Variants in NXPE2 observed in about 807,000 individuals in gnomAD.
NXPE2 encodes NXPE family member 2.
NXPE2 carries 34 observed loss-of-function variants against 34.4 expected under a neutral mutation model. That is an observed-to-expected ratio of 0.99 (90% CI 0.75 to 1.31). The LOEUF (loss-of-function observed/expected upper bound fraction) is 1.31. Among genes scored for constraint, NXPE2 ranks in the 40% most tolerant of loss-of-function variants. NXPE2 has a pLI of 0.00. For missense variants in NXPE2, 649 were observed against 672.5 expected (o/e 0.97, Z 0.39); for synonymous variants, 235 against 231.3 (o/e 1.02, Z -0.15).
the NXPE2 span, among the ~76,000 whole-genome samples, chr11:114,601,022 C>A: frequency 2.6e-5 from 4 of 151,968 alleles, no homozygotes; most frequent in Non-Finnish European, 4.4e-5. Flanking sequence ...GCCACTTGAA[C>A]ATTTCAAGTT....
the NXPE2 span, chr11:114,522,105 T>G: frequency 1.9e-6 from 3 of 1,614,000 alleles, no homozygotes. Context: ...AAAATATCCT[T>G]CATGATAAGA....
At chr11:114,811,945 A>T in the NXPE2 span, among the ~76,000 whole-genome samples, 1 of 152,212 alleles carries the variant, frequency 6.6e-6, no homozygotes, top group African/African-American at 2.4e-5. Flanking sequence ...GAATTAAATT[A>T]ACTATCGCAT....
downstream of NXPE2, among the ~76,000 whole-genome samples, chr11:114,708,331 T>G (rs1254788375): frequency 1.3e-5 from 2 of 152,148 alleles, no homozygotes; most frequent in East Asian, 1.9e-4. Flanking sequence ...TTCTTGGATA[T>G]CCTAAAATAT....
At chr11:114,600,332 TAA>T in the NXPE2 span, among the ~76,000 whole-genome samples, 4 of 152,084 alleles carry the variant, frequency 2.6e-5, no homozygotes, top group East Asian at 1.9e-4. Context: ...TCAAAACAAT[TAA>T]AAGTCTTCTC....
chr11:114,809,704 T>C, the NXPE2 span, among the ~76,000 whole-genome samples: 9 of 145,944 alleles, frequency 6.2e-5, no homozygotes, highest in South Asian at 2.1e-3. Flanking sequence ...TACAAACCAA[T>C]GGAAGAACAT....
the NXPE2 span, among the ~76,000 whole-genome samples, chr11:114,782,407 T>C: frequency 2.6e-5 from 4 of 152,192 alleles, no homozygotes; most frequent in African/African-American, 9.7e-5. Context: ...AAGGCATGGC[T>C]TCATCAGGAA....
chr11:114,773,289 C>CCCCA, the NXPE2 span, among the ~76,000 whole-genome samples: 1 of 44,274 alleles, frequency 2.3e-5, no homozygotes, highest in African/African-American at 5.8e-5. Flanking sequence ...ACCCCCCCCC[C>CCCCA]ACCCCATTCT....
chr11:114,704,029 C>T lies in NXPE2; in HGVS notation c.905C>T (p.Pro302Leu), dbSNP rs1403362060. ...GTTGAAATGATGAAGAACTTTACCC[C>T]CATTGAGGTCATACCATGCAACAGT... ...IGVEMMKNFT[P>L]IEVIPCNKSE... is the part of the protein sequence containing the mutation. The change falls in exon 4 of 6, where the codon CCC becomes CTC. Residue 302 changes from proline to leucine, a missense_variant. Coordinates refer to ENST00000389586, the MANE Select transcript of NXPE2 (RefSeq NM_182495.6). The T allele has an allele frequency of 1.9e-6, 3 of 1,551,674 alleles. No individual in the cohort carries two copies. The highest frequency in any genetic ancestry group is 1.7e-6 in the Non-Finnish European group (2 of 1,146,642).
At chr11:114,490,808 TA>T in the NXPE2 span, among the ~76,000 whole-genome samples, 3 of 152,224 alleles carry the variant, frequency 2.0e-5, no homozygotes, top group East Asian at 5.8e-4. Flanking sequence ...ACTTCATGTC[TA>T]AAACGCCAAA....
chr11:114,577,121 A>G, the NXPE2 span, among the ~76,000 whole-genome samples: 2 of 143,324 alleles, frequency 1.4e-5, no homozygotes, highest in African/African-American at 5.1e-5. Flanking sequence ...ACACATATAT[A>G]TAAAGTTATA....
the NXPE2 span, among the ~76,000 whole-genome samples, chr11:114,483,734 T>C: frequency 6.6e-6 from 1 of 152,198 alleles, no homozygotes; most frequent in Non-Finnish European, 1.5e-5. Flanking sequence ...CACATTTCTT[T>C]TGTTGGTAGA....
At chr11:114,762,331 T>G in the NXPE2 span, among the ~76,000 whole-genome samples, 1 of 152,100 alleles carries the variant, frequency 6.6e-6, no homozygotes, top group Non-Finnish European at 1.5e-5. Context: ...TAGAACATGT[T>G]GTGTCTTTCA....
the NXPE2 span, among the ~76,000 whole-genome samples, chr11:114,609,219 T>G: frequency 1.3e-5 from 2 of 151,578 alleles, no homozygotes; most frequent in South Asian, 2.1e-4. Context: ...AGATACTGAG[T>G]TTTGCTTCGT....
At chr11:114,582,955 G>A in the NXPE2 span, 1 of 1,614,146 alleles carries the variant, frequency 6.2e-7, no homozygotes, top group South Asian at 1.1e-5. Context: ...GGTGTTTTAG[G>A]GAATAAGGAC....
chr11:114,594,773 C>T, the NXPE2 span: 3 of 1,320,898 alleles, frequency 2.3e-6, no homozygotes, highest in Non-Finnish European at 3.2e-6. Flanking sequence ...TAGGATCCTA[C>T]AAGAGACAAT....
At chr11:114,581,388 G>A in the NXPE2 span, among the ~76,000 whole-genome samples, 213 of 152,248 alleles carry the variant, frequency 1.4e-3, no homozygotes, top group African/African-American at 4.8e-3. Flanking sequence ...AAGAGGTGAT[G>A]GGAGTGGTAT....
chr11:114,692,765 T>C (rs1344128521), intron 2 of NXPE2, among the ~76,000 whole-genome samples: 2 of 152,204 alleles, frequency 1.3e-5, no homozygotes, highest in African/African-American at 2.4e-5. Flanking sequence ...TACTAGCTAA[T>C]TTATTCAAAA....
the NXPE2 span, among the ~76,000 whole-genome samples, chr11:114,645,389 T>G: frequency 6.6e-5 from 10 of 152,060 alleles, no homozygotes; most frequent in African/African-American, 2.4e-4. Context: ...CCAGGTAGAT[T>G]AATCTGAATG....
chr11:114,477,464 T>G, the NXPE2 span, among the ~76,000 whole-genome samples: 39 of 152,328 alleles, frequency 2.6e-4, no homozygotes, highest in East Asian at 6.8e-3. Flanking sequence ...ATGTACACTG[T>G]AAATATGCAT....
Sources: allele counts gnomAD v4.1 joint callset (sites outside exome capture counted in the v4.1 genomes callset), GRCh38; gene constraint gnomAD v4.1.1; transcripts MANE v1.5; gene names NCBI Gene and HGNC (gene_info 2026-07-23, HGNC 2026-07-21).